The following SPAG17 variants were observed in gnomAD, a reference collection of about 807,000 sequenced individuals.
The protein encoded by SPAG17 is sperm associated antigen 17.
Under a neutral mutation model 273.6 loss-of-function variants are expected in SPAG17, and 169 were observed. That is an observed-to-expected ratio of 0.62 (90% CI 0.55 to 0.70). The LOEUF (loss-of-function observed/expected upper bound fraction) is 0.70, where lower values mean the gene tolerates loss of function less well. Ranked by LOEUF, SPAG17 falls within the 30% of genes least tolerant of loss-of-function variation. SPAG17 has a pLI of 0.00. For synonymous variants in SPAG17, 825 were observed against 873.2 expected, an observed-to-expected ratio of 0.94 and a Z score of 0.97; for missense variants, 2,557 against 2,627.8, an observed-to-expected ratio of 0.97 and a Z score of 0.59.
At chr1:118,119,600 G>T (rs1216639804) in intron 3 of SPAG17, among the ~76,000 whole-genome samples, 1 of 152,148 alleles carries the variant, frequency 6.6e-6, no homozygotes, top group Admixed American at 6.6e-5. Flanking sequence ...TTTTGGGGAG[G>T]TGAATAACTT....
chr1:118,149,532 G>T (rs1659256421), intron 3 of SPAG17, among the ~76,000 whole-genome samples: 2 of 152,146 alleles, frequency 1.3e-5, no homozygotes, highest in Admixed American at 1.3e-4. Context: ...AAGAGACAAA[G>T]TATATTATTT....
chr1:118,155,139 G>A (rs1455939998), intron 1 of SPAG17, among the ~76,000 whole-genome samples: 2 of 152,084 alleles, frequency 1.3e-5, no homozygotes, highest in African/African-American at 4.8e-5. Context: ...ATGAAGTCAT[G>A]TATGGACACA....
chr1:118,073,927 A>C lies in SPAG17; in HGVS notation c.2312T>G (p.Ile771Arg). The C allele has an allele frequency of 4.5e-6, 7 of 1,571,236 alleles. No homozygotes were observed. The highest frequency in any genetic ancestry group is 6.0e-6 in the Non-Finnish European group (7 of 1,166,026). ...KMMVEADLED[I>R]KKTQQRSLMD... ...TAGACTGCGCTGCTGTGTTTTCTTTATGTCCTCTAAATCTGCTTCCACCAT... is the reference window on the plus strand; with the variant it reads ...TAGACTGCGCTGCTGTGTTTTCTTTCTGTCCTCTAAATCTGCTTCCACCAT... Residue 771 changes from isoleucine to arginine, a missense_variant, in exon 17 of 49, where the codon ATA becomes AGA. Ile to Arg is a moderately conservative substitution (Grantham distance 97). Transcript: ENST00000336338.
At chr1:118,054,851 A>G (rs1399590338) in intron 19 of SPAG17, among the ~76,000 whole-genome samples, 1 of 152,008 alleles carries the variant, frequency 6.6e-6, no homozygotes, top group African/African-American at 2.4e-5. Flanking sequence ...TTGCTTTTAT[A>G]TGGTTTACTT....
chr1:118,175,392 A>G (rs1006140802), intron 1 of SPAG17, among the ~76,000 whole-genome samples: 1 of 152,084 alleles, frequency 6.6e-6, no homozygotes, highest in Non-Finnish European at 1.5e-5. Flanking sequence ...GGCAACACAA[A>G]TAAGACTACC....
chr1:117,978,475 G>A (rs1571126294), intron 43 of SPAG17, among the ~76,000 whole-genome samples: 1 of 152,006 alleles, frequency 6.6e-6, no homozygotes, highest in Non-Finnish European at 1.5e-5. Flanking sequence ...GCATCATCAA[G>A]TTCTCTCTGG....
intron 18 of SPAG17, among the ~76,000 whole-genome samples, chr1:118,059,556 A>G (rs140343224): frequency 2.1e-4 from 32 of 151,818 alleles, no homozygotes; most frequent in African/African-American, 7.7e-4. Flanking sequence ...ATTACTGTTT[A>G]CTCCTCCTTT....
At chr1:118,017,306 G>A (rs1480938461) in intron 28 of SPAG17, among the ~76,000 whole-genome samples, 3 of 151,270 alleles carry the variant, frequency 2.0e-5, no homozygotes, top group Non-Finnish European at 2.9e-5. Context: ...TTCTGTTCTT[G>A]TTACTTTTTC....
At chr1:118,135,416 T>A (rs1323973531) in intron 3 of SPAG17, among the ~76,000 whole-genome samples, 1 of 150,970 alleles carries the variant, frequency 6.6e-6, no homozygotes, top group Non-Finnish European at 1.5e-5. Context: ...TGTGTATGTG[T>A]GTGTGTGTGT....
intron 1 of SPAG17, among the ~76,000 whole-genome samples, chr1:118,164,843 C>A (rs1660088596): frequency 6.6e-6 from 1 of 152,232 alleles, no homozygotes; most frequent in African/African-American, 2.4e-5. Flanking sequence ...AATTTCTTCA[C>A]ATAAATGGGA....
chr1:118,156,635 A>G (rs1659662694), intron 1 of SPAG17, among the ~76,000 whole-genome samples: 1 of 152,174 alleles, frequency 6.6e-6, no homozygotes, highest in African/African-American at 2.4e-5. Flanking sequence ...CAGATAGGAG[A>G]AAAAAGCCAA....
At chr1:117,954,228 A>G in intron 48 of SPAG17, 179 bp from the exon 49 acceptor site, 1 of 767,352 alleles carries the variant, frequency 1.3e-6, no homozygotes. Context: ...CCAACTCACT[A>G]TATTAGAAGA....
chr1:118,028,782 T>C (rs1200905938), intron 25 of SPAG17, among the ~76,000 whole-genome samples: 3 of 152,172 alleles, frequency 2.0e-5, no homozygotes, highest in East Asian at 1.9e-4. Context: ...CAAACTCGTA[T>C]GTTGGAACCT....
chr1:118,149,831 G>C (rs549158456), intron 3 of SPAG17, among the ~76,000 whole-genome samples: 55 of 152,324 alleles, frequency 3.6e-4, no homozygotes, highest in African/African-American at 1.2e-3. Flanking sequence ...CAAATTTTAA[G>C]TGATATTCTA....
At chr1:118,112,351 A>C (rs1176610670) in intron 4 of SPAG17, among the ~76,000 whole-genome samples, 1 of 152,096 alleles carries the variant, frequency 6.6e-6, no homozygotes, top group Non-Finnish European at 1.5e-5. Context: ...GAACATGATG[A>C]GAATATATTT....
chr1:118,074,509 A>G, intron 16 of SPAG17, 30 bp downstream of exon 16: 1 of 1,578,544 alleles, frequency 6.3e-7, no homozygotes, highest in African/African-American at 1.3e-5. Flanking sequence ...TCATCTTGTC[A>G]TCTACATTTT....
At chr1:118,042,779 G>A (rs1244001619) in intron 20 of SPAG17, among the ~76,000 whole-genome samples, 1 of 152,106 alleles carries the variant, frequency 6.6e-6, no homozygotes, top group African/African-American at 2.4e-5. Context: ...CCTCTAGTGG[G>A]TACTTAAATT....
chr1:118,074,721 G>C, intron 15 of SPAG17, 121 bp from the exon 16 acceptor site: 1 of 858,556 alleles, frequency 1.2e-6, no homozygotes, highest in Non-Finnish European at 1.9e-6. Flanking sequence ...GGCAATGCCT[G>C]AAAGGCATGT....
At chr1:118,126,668 TG>T (rs1254925445) in intron 3 of SPAG17, among the ~76,000 whole-genome samples, 3 of 152,194 alleles carry the variant, frequency 2.0e-5, no homozygotes, top group Admixed American at 6.5e-5. Context: ...TCCTTCGTTG[TG>T]CAGAAGCTTC....
Sources: allele counts gnomAD v4.1 joint callset (sites outside exome capture counted in the v4.1 genomes callset), GRCh38; gene constraint gnomAD v4.1.1; transcripts MANE v1.5; gene names NCBI Gene and HGNC (gene_info 2026-07-23, HGNC 2026-07-21).